Variants in FUT9 observed in about 807,000 individuals in gnomAD.
FUT9 encodes 4-galactosyl-N-acetylglucosaminide 3-alpha-L-fucosyltransferase 9.
A neutral mutation model predicts 29.7 loss-of-function variants in FUT9; 15 were observed. The ratio of observed to expected loss-of-function variants is 0.51; its 90% confidence interval spans 0.34 to 0.78. The LOEUF (loss-of-function observed/expected upper bound fraction) is 0.78, where lower values mean the gene tolerates loss of function less well. Among genes scored for constraint, FUT9 ranks in the 30% least tolerant of loss-of-function variants. The pLI is 0.01. For missense variants in FUT9, 319 were observed against 425.4 expected, an observed-to-expected ratio of 0.75 and a Z score of 2.20; for synonymous variants, 169 against 153.7, an observed-to-expected ratio of 1.10 and a Z score of -0.74.
chr6:96,120,591 C>CTT (rs57515226), intron 2 of FUT9, among the ~76,000 whole-genome samples: 2 of 55,312 alleles, frequency 3.6e-5, no homozygotes, highest in African/African-American at 1.4e-4. Context: ...GCAAGACCAC[C>CTT]TTTTTTTTTT....
chr6:96,174,982 AG>A (rs1330398525), intron 2 of FUT9, among the ~76,000 whole-genome samples: 1 of 152,156 alleles, frequency 6.6e-6, no homozygotes, highest in East Asian at 1.9e-4. Flanking sequence ...GACTTCAAAA[AG>A]TTTCAGGATC....
chr6:96,203,670 C>T lies in FUT9; in HGVS notation c.515C>T (p.Thr172Met), dbSNP rs757168999. The T allele has an allele frequency of 8.7e-6, 14 of 1,613,924 alleles. No individual in the cohort carries two copies. The highest frequency in any genetic ancestry group is 1.6e-4 in the Middle Eastern group (1 of 6,062). ...SDIQVPYGFL[T>M]VSTNPFVFEV... ...ATCCAAGTGCCTTATGGCTTCTTGA[C>T]GGTAAGCACAAATCCCTTCGTGTTT... The change falls in exon 3 of 3, where the codon ACG becomes ATG. Residue 172 changes from threonine (T) to methionine (M), a missense_variant. Coordinates refer to ENST00000302103, the MANE Select transcript of FUT9 (RefSeq NM_006581.4).
intron 2 of FUT9, among the ~76,000 whole-genome samples, chr6:96,154,470 C>CT (rs975181528): frequency 1.3e-5 from 2 of 152,026 alleles, no homozygotes; most frequent in South Asian, 4.1e-4. Flanking sequence ...CATGTTTTTA[C>CT]TTTTTTGTAA....
chr6:96,169,681 C>T (rs1240190305), intron 2 of FUT9, among the ~76,000 whole-genome samples: 1 of 152,094 alleles, frequency 6.6e-6, no homozygotes, highest in Admixed American at 6.5e-5. Flanking sequence ...TAAAGTACTT[C>T]GGCAGTATAA....
chr6:96,084,328 T>C (rs897306922), intron 1 of FUT9, among the ~76,000 whole-genome samples: 3 of 152,132 alleles, frequency 2.0e-5, no homozygotes, highest in Admixed American at 6.6e-5. Context: ...ATAAGTGTTA[T>C]GTTGTTTTTT....
intron 2 of FUT9, among the ~76,000 whole-genome samples, chr6:96,177,843 C>T (rs927408349): frequency 6.6e-6 from 1 of 152,088 alleles, no homozygotes; most frequent in Non-Finnish European, 1.5e-5. Context: ...ATAGAGTCTG[C>T]CACATAGTAA....
chr6:96,196,902 A>C (rs1385601923), intron 2 of FUT9, among the ~76,000 whole-genome samples: 1 of 152,146 alleles, frequency 6.6e-6, no homozygotes, highest in Non-Finnish European at 1.5e-5. Flanking sequence ...TTACACGGAA[A>C]GATGGGTGAA....
chr6:96,160,755 C>A (rs938138171), intron 2 of FUT9, among the ~76,000 whole-genome samples: 5 of 151,988 alleles, frequency 3.3e-5, no homozygotes, highest in African/African-American at 1.2e-4. Flanking sequence ...AAATGCAGAT[C>A]TATGTATGAA....
intron 1 of FUT9, among the ~76,000 whole-genome samples, chr6:96,019,920 TATA>T (rs1324531583): frequency 6.6e-6 from 1 of 152,112 alleles, no homozygotes; most frequent in Non-Finnish European, 1.5e-5. Context: ...TTTGTCTTTC[TATA>T]AAATAAAAAC....
intron 2 of FUT9, among the ~76,000 whole-genome samples, chr6:96,173,948 T>C (rs1400072661): frequency 6.6e-6 from 1 of 152,108 alleles, no homozygotes; most frequent in African/African-American, 2.4e-5. Context: ...TTTGTGTTGA[T>C]TGTTTTTTAG....
chr6:96,152,695 T>A (rs140880709), intron 2 of FUT9, among the ~76,000 whole-genome samples: 49 of 152,322 alleles, frequency 3.2e-4, no homozygotes, highest in African/African-American at 1.1e-3. Flanking sequence ...AGCACACTGA[T>A]TCTCTATGTA....
At chr6:96,088,033 T>C (rs1466361780) in intron 1 of FUT9, among the ~76,000 whole-genome samples, 2 of 151,918 alleles carry the variant, frequency 1.3e-5, no homozygotes, top group Non-Finnish European at 2.9e-5. Flanking sequence ...CTGCTGTCGT[T>C]TGGCTTCCAT....
intron 2 of FUT9, among the ~76,000 whole-genome samples, chr6:96,120,269 C>CTTTTTT (rs11347804): frequency 2.1e-4 from 19 of 91,458 alleles, no homozygotes; most frequent in East Asian, 6.4e-4. Flanking sequence ...TTTTTTCTTT[C>CTTTTTT]TTTTTTTTTT....
chr6:96,038,052 T>C (rs761517631), intron 1 of FUT9, among the ~76,000 whole-genome samples: 4 of 152,174 alleles, frequency 2.6e-5, no homozygotes, highest in Non-Finnish European at 5.9e-5. Context: ...CAGAGAGTGA[T>C]GCTTCGGAGC....
At chr6:96,070,451 C>T (rs62419387) in intron 1 of FUT9, among the ~76,000 whole-genome samples, 18,031 of 152,022 alleles carry the variant, frequency 0.12, 1,345 homozygotes, top group Non-Finnish European at 0.17. Flanking sequence ...TTTGGGAGGC[C>T]AAGGTGGCAG....
At chr6:96,152,001 C>T (rs1772685783) in intron 2 of FUT9, among the ~76,000 whole-genome samples, 1 of 152,162 alleles carries the variant, frequency 6.6e-6, no homozygotes, top group Admixed American at 6.5e-5. Flanking sequence ...CATCTATTCA[C>T]AGGTCCACCT....
intron 2 of FUT9, among the ~76,000 whole-genome samples, chr6:96,168,281 T>G (rs1323033522): frequency 6.6e-6 from 1 of 152,164 alleles, no homozygotes; most frequent in Non-Finnish European, 1.5e-5. Flanking sequence ...AGTGATCTGC[T>G]CTGGAGATAC....
At chr6:96,127,995 A>G (rs1418436821) in intron 2 of FUT9, among the ~76,000 whole-genome samples, 1 of 151,988 alleles carries the variant, frequency 6.6e-6, no homozygotes, top group Non-Finnish European at 1.5e-5. Flanking sequence ...TACTCTGTTG[A>G]TAGTTTCTTT....
intron 1 of FUT9, among the ~76,000 whole-genome samples, chr6:96,109,443 C>G (rs9377376): frequency 0.17 from 26,019 of 151,948 alleles, 2,444 homozygotes; most frequent in Non-Finnish European, 0.19. Flanking sequence ...TGAATTTTTC[C>G]CCAAATTTAC....
Sources: allele counts gnomAD v4.1 joint callset (sites outside exome capture counted in the v4.1 genomes callset), GRCh38; gene constraint gnomAD v4.1.1; transcripts MANE v1.5; gene names NCBI Gene and HGNC (gene_info 2026-07-23, HGNC 2026-07-21).